Variants in GPATCH2 observed in about 807,000 individuals in gnomAD.
GPATCH2 encodes the protein G-patch domain containing 2.
In GPATCH2, 51 loss-of-function variants were observed where a neutral mutation model predicts 58.0. That is an observed-to-expected ratio of 0.88 (90% CI 0.70 to 1.11). The LOEUF (loss-of-function observed/expected upper bound fraction) is 1.11, where lower values mean the gene tolerates loss of function less well. Among genes scored for constraint, GPATCH2 ranks in the 50% most tolerant of loss-of-function variants. GPATCH2 has a pLI of 0.00. For missense variants in GPATCH2, 625 were observed against 652.2 expected, an observed-to-expected ratio of 0.96 and a Z score of 0.45; for synonymous variants, 222 against 218.5, an observed-to-expected ratio of 1.02 and a Z score of -0.14.
At chr1:217,556,057 T>C (rs556587308) in intron 5 of GPATCH2, among the ~76,000 whole-genome samples, 11 of 152,334 alleles carry the variant, frequency 7.2e-5, no homozygotes, top group African/African-American at 2.2e-4. Flanking sequence ...TGGAATTACA[T>C]CTTTATAATT....
rs1553318708 is a variant in GPATCH2 at position 217,433,382 on chromosome 1, A to ATT, written c.1367-2018_1367-2017insAA. Reference sequence around the variant, plus strand: ...TGTTCATATATATATATATATATATATATTTATTTATTTATTTATTTATTT... The same window carrying ATT: ...TGTTCATATATATATATATATATATATTTATTTATTTATTTATTTATTTATTT... On this transcript the variant is annotated intron_variant, in intron 9 of 9. Transcript: ENST00000366935. Among the ~76,000 whole-genome samples, 29 of 78,708 alleles carry ATT rather than the reference A, an allele frequency of 3.7e-4. No homozygotes were observed. In the South Asian group the frequency reaches 6.7e-3, roughly 18 times the overall value. 51.6% of individuals were successfully genotyped at this position (78,708 alleles called of 152,430 possible).
intron 5 of GPATCH2, among the ~76,000 whole-genome samples, chr1:217,525,456 T>C (rs1210657690): frequency 1.3e-5 from 2 of 152,328 alleles, no homozygotes; most frequent in South Asian, 2.1e-4. Flanking sequence ...TTTTAAAGAA[T>C]TTCATACAAT....
chr1:217,521,283 G>T (rs1558453665), intron 5 of GPATCH2, among the ~76,000 whole-genome samples: 1 of 136,986 alleles, frequency 7.3e-6, no homozygotes, highest in Non-Finnish European at 1.5e-5. Context: ...TAGACTATAG[G>T]AATGGAATTA....
At chr1:217,573,611 T>C (rs17046614) in intron 5 of GPATCH2, among the ~76,000 whole-genome samples, 2,100 of 152,256 alleles carry the variant, frequency 0.014, 47 homozygotes, top group East Asian at 0.1. Flanking sequence ...AACAACTGCT[T>C]TCTAAATTTA....
At chr1:217,599,987 G>A (rs1311367665) in intron 5 of GPATCH2, among the ~76,000 whole-genome samples, 1 of 152,000 alleles carries the variant, frequency 6.6e-6, no homozygotes, top group East Asian at 1.9e-4. Flanking sequence ...AAAAAACCAA[G>A]TAGATACCAT....
chr1:217,491,844 A>C, intron 7 of GPATCH2, 94 bp from the exon 8 acceptor site: 1 of 459,630 alleles, frequency 2.2e-6, no homozygotes, highest in Non-Finnish European at 3.9e-6. Flanking sequence ...AAGGGACACT[A>C]CTCATTTATT....
At chr1:217,470,932 A>T (rs1660699438) in intron 8 of GPATCH2, among the ~76,000 whole-genome samples, 1 of 151,772 alleles carries the variant, frequency 6.6e-6, no homozygotes, top group Admixed American at 6.5e-5. Context: ...CGTACATAAG[A>T]ATGAATAAAA....
intron 8 of GPATCH2, among the ~76,000 whole-genome samples, chr1:217,485,746 T>C (rs564748141): frequency 6.6e-6 from 1 of 152,306 alleles, no homozygotes; most frequent in East Asian, 1.9e-4. Context: ...TACAAACCTG[T>C]ACTGAATCCT....
chr1:217,537,079 AT>A (rs1664512452), intron 5 of GPATCH2, among the ~76,000 whole-genome samples: 1 of 152,134 alleles, frequency 6.6e-6, no homozygotes, highest in Admixed American at 6.5e-5. Flanking sequence ...AAAATTCAGT[AT>A]TTTCTCTAAA....
chr1:217,474,624 A>T (rs961414106), intron 8 of GPATCH2, among the ~76,000 whole-genome samples: 1 of 152,232 alleles, frequency 6.6e-6, no homozygotes, highest in African/African-American at 2.4e-5. Context: ...ATAGCACTTT[A>T]TTCAGAGCTT....
intron 5 of GPATCH2, among the ~76,000 whole-genome samples, chr1:217,584,344 A>AAAAAAAAAAAAAAATATATAT (rs1463910405): frequency 1.3e-3 from 129 of 101,662 alleles, no homozygotes; most frequent in Middle Eastern, 5.0e-3. Context: ...AAAAAAAAAA[A>AAAAAAAAAAAAAAATATATAT]ATATATATAT....
intron 9 of GPATCH2, among the ~76,000 whole-genome samples, chr1:217,439,570 G>T (rs958895684): frequency 6.6e-6 from 1 of 152,156 alleles, no homozygotes; most frequent in African/African-American, 2.4e-5. Flanking sequence ...AAAAATCAGT[G>T]AATCCAGGAG....
At chr1:217,562,898 T>C (rs960388606) in intron 5 of GPATCH2, among the ~76,000 whole-genome samples, 1 of 152,226 alleles carries the variant, frequency 6.6e-6, no homozygotes, top group Non-Finnish European at 1.5e-5. Flanking sequence ...TTTCTAGTAG[T>C]AAACTTTGAA....
chr1:217,630,480 T>G (rs974856570), intron 1 of GPATCH2, among the ~76,000 whole-genome samples: 10 of 152,018 alleles, frequency 6.6e-5, no homozygotes, highest in Non-Finnish European at 1.0e-4. Flanking sequence ...GGTGAGAGGG[T>G]GATGTGTTTT....
At chr1:217,581,135 A>C (rs2102742570) in intron 5 of GPATCH2, among the ~76,000 whole-genome samples, 1 of 152,230 alleles carries the variant, frequency 6.6e-6, no homozygotes, top group Non-Finnish European at 1.5e-5. Flanking sequence ...CTGGGAGATT[A>C]AATTTAAGCA....
intron 9 of GPATCH2, among the ~76,000 whole-genome samples, chr1:217,448,734 G>A (rs1024068400): frequency 4.6e-5 from 7 of 152,042 alleles, no homozygotes; most frequent in Non-Finnish European, 7.4e-5. Flanking sequence ...GAGAGCTTTC[G>A]CAATCTAGTA....
chr1:217,498,365 C>T lies in GPATCH2; in HGVS notation c.1197G>A (p.Glu399=). Residue 399 remains glutamate, a synonymous_variant, in exon 7 of 10, where the codon GAG becomes GAA. Coordinates refer to ENST00000366935, the MANE Select transcript of GPATCH2 (RefSeq NM_018040.5). ...TTACAATGGTCCTTACCTGGTCATG[C>T]TCTGTCCTAGCCCCAGGGCTAAACC... The part of the protein sequence containing the change: ...DHWFSPGART[E]HDQHQLLRDN... The T allele has an allele frequency of 1.2e-6, 2 of 1,612,830 alleles. No individual in the cohort carries two copies. Among genetic ancestry groups the T allele is most frequent in the South Asian group, 2.2e-5 (2 of 91,054 alleles).
At chr1:217,496,070 G>T (rs532324841) in intron 7 of GPATCH2, among the ~76,000 whole-genome samples, 2 of 152,088 alleles carry the variant, frequency 1.3e-5, no homozygotes, top group Non-Finnish European at 1.5e-5. Flanking sequence ...ATACTTCATG[G>T]TCTTGCATTT....
intron 6 of GPATCH2, among the ~76,000 whole-genome samples, chr1:217,507,189 G>A (rs529836042): frequency 6.6e-6 from 1 of 152,240 alleles, no homozygotes; most frequent in East Asian, 1.9e-4. Flanking sequence ...CATCAACTAT[G>A]GTTGCTATGC....
Sources: allele counts gnomAD v4.1 joint callset (sites outside exome capture counted in the v4.1 genomes callset), GRCh38; gene constraint gnomAD v4.1.1; transcripts MANE v1.5; gene names NCBI Gene and HGNC (gene_info 2026-07-23, HGNC 2026-07-21).